TEKT3: variants seen among roughly 807,000 people sequenced by gnomAD.
TEKT3 encodes the protein tektin-3.
Under a neutral mutation model 49.8 loss-of-function variants are expected in TEKT3, and 49 were observed. The ratio of observed to expected loss-of-function variants is 0.98; its 90% CI spans 0.78 to 1.25. TEKT3 has a LOEUF of 1.25. TEKT3 is among the 50% of genes most tolerant of loss of function. The pLI, the probability that TEKT3 is intolerant of heterozygous loss-of-function variation, is 0.00. For synonymous variants in TEKT3, 225 were observed against 237.2 expected (o/e 0.95, Z 0.47); for missense variants, 595 against 629.5 (o/e 0.95, Z 0.59).
Position 15,331,070 on chromosome 17 carries a change from A to C in TEKT3, c.516T>G (p.Asn172Lys). Residue 172 changes from asparagine to lysine, a missense_variant, in exon 3 of 9, where the codon AAT (asparagine) becomes AAG (lysine). Physicochemically the swap from Asn to Lys is moderately conservative, Grantham distance 94 (BLOSUM62 0). Coordinates refer to ENST00000395930, the MANE Select transcript of TEKT3 (RefSeq NM_031898.3). ...HELDEMIGETNALTDVKKRLE... is the reference protein window; with the variant it reads ...HELDEMIGETKALTDVKKRLE... ...GTCTTTTCTTCACATCAGTAAGTGC[A>C]TTTGTCTCTCCAATCATTTCATCCA... is the stretch of plus-strand genomic sequence containing the variant. 3.1e-6 allele frequency: 5 copies of C among 1,614,202 alleles called. No individual in the cohort carries two copies. Among genetic ancestry groups the C allele is most frequent in the Non-Finnish European group, 4.2e-6 (5 of 1,180,042 alleles).
chr17:15,316,949 G>A (rs1439398998), intron 5 of TEKT3, among the ~76,000 whole-genome samples: 1 of 152,130 alleles, frequency 6.6e-6, no homozygotes, highest in African/African-American at 2.4e-5. Flanking sequence ...AGCCCAAGAT[G>A]GGAAGACCTT....
At chr17:15,322,648 G>A (rs981606494) in intron 4 of TEKT3, among the ~76,000 whole-genome samples, 1 of 152,110 alleles carries the variant, frequency 6.6e-6, no homozygotes, top group South Asian at 2.1e-4. Flanking sequence ...CACAGGTTGA[G>A]GCTTTATATG....
chr17:15,311,818 A>C (rs1034830076), intron 7 of TEKT3, among the ~76,000 whole-genome samples: 1 of 152,182 alleles, frequency 6.6e-6, no homozygotes, highest in Non-Finnish European at 1.5e-5. Context: ...TCAGCACTTA[A>C]AATTTTTCAA....
chr17:15,332,953 T>C (rs1318303277), intron 2 of TEKT3, among the ~76,000 whole-genome samples: 1 of 152,164 alleles, frequency 6.6e-6, no homozygotes, highest in Non-Finnish European at 1.5e-5. Context: ...ATACCATCTA[T>C]ACCTATATAC....
chr17:15,339,577 T>C (rs1419631390), intron 2 of TEKT3, among the ~76,000 whole-genome samples: 4 of 152,230 alleles, frequency 2.6e-5, no homozygotes, highest in Non-Finnish European at 4.4e-5. Flanking sequence ...GTTGGCTTCA[T>C]ACTGGGTAAA....
intron 7 of TEKT3, chr17:15,311,444 A>C (rs907252001): frequency 6.6e-6 from 1 of 152,240 alleles, no homozygotes; most frequent in Non-Finnish European, 1.5e-5. Context: ...GAAACGTTAC[A>C]TAGGTTTTTA....
intron 4 of TEKT3, among the ~76,000 whole-genome samples, chr17:15,324,233 T>C (rs1398217709): frequency 2.0e-5 from 3 of 152,240 alleles, no homozygotes; most frequent in African/African-American, 7.2e-5. Flanking sequence ...TGTAGCATAA[T>C]GTTTTCAATA....
intron 3 of TEKT3, among the ~76,000 whole-genome samples, chr17:15,330,675 C>T (rs1448665858): frequency 6.6e-6 from 1 of 152,146 alleles, no homozygotes; most frequent in African/African-American, 2.4e-5. Flanking sequence ...TACTGAGTCT[C>T]AGGTATTTCT....
chr17:15,310,374 T>G (rs1910718925), intron 7 of TEKT3, among the ~76,000 whole-genome samples: 1 of 152,276 alleles, frequency 6.6e-6, no homozygotes, highest in East Asian at 1.9e-4. Flanking sequence ...GAATCGCCAG[T>G]GCCTTGGAAG....
chr17:15,318,311 G>A (rs1911107583), intron 5 of TEKT3, among the ~76,000 whole-genome samples: 1 of 152,048 alleles, frequency 6.6e-6, no homozygotes, highest in Non-Finnish European at 1.5e-5. Context: ...AGATCTTTAA[G>A]GAGGTATGGA....
chr17:15,318,156 A>G (rs1555530015), intron 5 of TEKT3, among the ~76,000 whole-genome samples: 2 of 151,178 alleles, frequency 1.3e-5, no homozygotes, highest in Non-Finnish European at 3.0e-5. Context: ...TGCCCGGCTA[A>G]TTTTTTGTAT....
rs924894153 is a variant in TEKT3 at position 15,304,630 on chromosome 17, A to G, written c.1257-478T>C. 3.3e-5 allele frequency among the ~76,000 whole-genome samples: 5 copies of G among 152,192 alleles called. No individual in the cohort carries two copies. In the East Asian group the frequency reaches 7.7e-4, roughly 23 times the overall value. ...AAGGAAATTCAGCGCTTCAGTGGCC[A>G]TAATAAGAAACTGGGTCCCATTTCC... On this transcript the variant is annotated intron_variant, in intron 8 of 8. Transcript: ENST00000395930. This position sits in a 1 kb window ranked among gnomAD's most constrained non-coding sequence, Gnocchi z 4.7.
At chr17:15,342,474 G>A (rs79640041), upstream of TEKT3, among the ~76,000 whole-genome samples, 6 of 152,302 alleles carry the variant, frequency 3.9e-5, no homozygotes, top group East Asian at 1.2e-3. Flanking sequence ...ATCACTGTGT[G>A]GCACTCCACC....
At chr17:15,340,537 G>C (rs1214550061) in intron 1 of TEKT3, 16 of 152,154 alleles carry the variant, frequency 1.1e-4, no homozygotes. Flanking sequence ...ACAAGAGCGA[G>C]ACTCCGTCTC....
chr17:15,308,595 A>T, intron 8 of TEKT3, 69 bp downstream of exon 8: 1 of 1,560,172 alleles, frequency 6.4e-7, no homozygotes, highest in African/African-American at 1.4e-5. Flanking sequence ...CAGCTTTCTA[A>T]AGAGCCAGGC....
intron 5 of TEKT3, among the ~76,000 whole-genome samples, chr17:15,317,228 G>C (rs1911049440): frequency 6.6e-6 from 1 of 152,138 alleles, no homozygotes. Context: ...AGAACTTTCT[G>C]CAAAGGTCTG....
At chr17:15,324,228 CATA>C (rs1470605224) in intron 4 of TEKT3, among the ~76,000 whole-genome samples, 20 of 152,150 alleles carry the variant, frequency 1.3e-4, no homozygotes, top group African/African-American at 4.8e-4. Context: ...TTTCATGTAG[CATA>C]ATGTTTTCAA....
At chr17:15,318,879 T>C (rs1171377599) in intron 5 of TEKT3, among the ~76,000 whole-genome samples, 198 bp downstream of exon 5, 1 of 152,220 alleles carries the variant, frequency 6.6e-6, no homozygotes, top group East Asian at 1.9e-4. Flanking sequence ...CATGTGATAT[T>C]TTGATACAGG....
intron 6 of TEKT3, among the ~76,000 whole-genome samples, chr17:15,313,418 G>A (rs1407412842): frequency 6.6e-6 from 1 of 152,150 alleles, no homozygotes; most frequent in Non-Finnish European, 1.5e-5. Flanking sequence ...AACAAGCTGT[G>A]GTAGGAAAGG....
Sources: allele counts gnomAD v4.1 joint callset (sites outside exome capture counted in the v4.1 genomes callset), GRCh38; gene constraint gnomAD v4.1.1; non-coding constraint Gnocchi (gnomAD v3.1); transcripts MANE v1.5; gene names NCBI Gene and HGNC (gene_info 2026-07-23, HGNC 2026-07-21).